CLASRP: variants seen among roughly 807,000 people sequenced by gnomAD.
CLASRP encodes CLK4 associating serine/arginine rich protein.
CLASRP carries 52 observed loss-of-function variants against 99.9 expected under a neutral mutation model. That is an observed-to-expected ratio of 0.52 (90% CI 0.42 to 0.66). The LOEUF (loss-of-function observed/expected upper bound fraction) is 0.66, where lower values mean the gene tolerates loss of function less well. CLASRP is among the 30% of genes least tolerant of loss of function. The probability of loss-of-function intolerance (pLI) is 0.00; values close to 1 mark genes in which losing one functional copy is unlikely to be tolerated. For synonymous variants in CLASRP, 379 were observed against 373.0 expected (o/e 1.02, Z -0.18); for missense variants, 848 against 999.2 (o/e 0.85, Z 2.04).
rs1051757414 is a variant in CLASRP at position 45,064,564 on chromosome 19, G to A, written c.1343G>A (p.Arg448Gln). Residue 448 changes from arginine (R) to glutamine (Q), a missense_variant, in exon 13 of 21, where the codon CGA becomes CAA. Arg to Gln is a conservative substitution (Grantham distance 43). Around this residue, in one of 8 missense-constraint regions of CLASRP, gnomAD observed 489 missense variants for 434.7 expected, o/e 1.12. Coordinates refer to ENST00000221455, the MANE Select transcript of CLASRP (RefSeq NM_007056.3). ...CGGCGGCACTCAGGTGGGGGCTCCC[G>A]AGACGGACACCGGTACTCCCGCTCG... Reference protein sequence around the residue: ...RGRRHSGGGSRDGHRYSRSPA... With the variant: ...RGRRHSGGGSQDGHRYSRSPA... 10 of 1,540,118 alleles carry A rather than the reference G, an allele frequency of 6.5e-6. No individual in the cohort carries two copies. In the South Asian group the frequency reaches 8.3e-5, roughly 13 times the overall value.
intron 13 of CLASRP, among the ~76,000 whole-genome samples, chr19:45,065,082 G>A (rs1967054007): frequency 6.6e-6 from 1 of 152,090 alleles, no homozygotes; most frequent in Non-Finnish European, 1.5e-5. Context: ...GGGAAGCGAA[G>A]CGGGTGGAAA....
chr19:45,060,735 G>C lies in CLASRP; in HGVS notation c.863+108G>C. ...GGCAGGCATTTGACTTGAGAAAGGA[G>C]TCTTTCTAGTGGGGCGATGCATGGC... On this transcript the variant is annotated intron_variant, in intron 10 of 20. Transcript: ENST00000221455. The surrounding 1 kb of genome is among the most constrained non-coding windows in gnomAD (Gnocchi z 4.6). 2 of 864,716 alleles carry C rather than the reference G, an allele frequency of 2.3e-6. No individual in the cohort carries two copies. The highest frequency in any genetic ancestry group is 3.5e-6 in the Non-Finnish European group (2 of 564,102). 53.6% of individuals were successfully genotyped at this position (864,716 alleles called of 1,614,324 possible).
rs1389679901 is a variant in CLASRP at position 45,060,524 on chromosome 19, C to T, written c.790-30C>T. 1 of 1,613,600 alleles carries T rather than the reference C, an allele frequency of 6.2e-7. No homozygotes were observed. Among genetic ancestry groups the T allele is most frequent in the South Asian group, 1.1e-5 (1 of 91,072 alleles). On this transcript the variant is annotated intron_variant, in intron 9 of 20. Coordinates refer to ENST00000221455, the MANE Select transcript of CLASRP (RefSeq NM_007056.3). This position sits in a 1 kb window ranked among gnomAD's most constrained non-coding sequence, Gnocchi z 4.6. ...GGGTGTGTCACAGGGAGGGCACCCC[C>T]TCACCAACCTGGCACCCACCCTACT...
At chr19:45,049,192 C>T (rs902987689) in intron 2 of CLASRP, among the ~76,000 whole-genome samples, 1 of 152,140 alleles carries the variant, frequency 6.6e-6, no homozygotes, top group African/African-American at 2.4e-5. Context: ...CTTCCCTGTA[C>T]CTGCCAAATT....
In CLASRP at chr19:45,059,192, G is replaced by A. The variant is rs1052282074; in HGVS notation, c.614-76G>A. The stretch of plus-strand genomic sequence containing the variant: ...GTCTGGCGGGCGCCCCATCATCCCC[G>A]CCTCCTGGAGCACTGCCCCTTCTCC... On this transcript the variant is annotated intron_variant, in intron 7 of 20. Coordinates refer to ENST00000221455, the MANE Select transcript of CLASRP (RefSeq NM_007056.3). 46 of 1,287,896 alleles carry A rather than the reference G, an allele frequency of 3.6e-5. No individual in the cohort carries two copies. In the Admixed American group the frequency reaches 4.4e-4, roughly 12 times the overall value. 79.8% of individuals were successfully genotyped at this position (1,287,896 alleles called of 1,614,324 possible). A position where few individuals can be genotyped will look rare whatever the true frequency, so the allele number is the denominator to read the frequency against.
At chr19:45,054,512 G>A (rs1244753038) in intron 5 of CLASRP, among the ~76,000 whole-genome samples, 1 of 152,206 alleles carries the variant, frequency 6.6e-6, no homozygotes, top group East Asian at 1.9e-4. Flanking sequence ...GCCTCCCAAA[G>A]TGCTGGGATT....
chr19:45,052,920 GCAC>G (rs777737403), intron 4 of CLASRP, 28 bp downstream of exon 4: 2 of 1,579,466 alleles, frequency 1.3e-6, no homozygotes, highest in South Asian at 2.3e-5. Context: ...GGGTTGCCAG[GCAC>G]AGCGTCATAC....
Position 45,059,204 on chromosome 19 carries a change from A to G in CLASRP, c.614-64A>G, listed in dbSNP as rs1600106539. On this transcript the variant is annotated intron_variant, in intron 7 of 20. Transcript: ENST00000221455. ...CCCCATCATCCCCGCCTCCTGGAGC[A>G]CTGCCCCTTCTCCCCTGTCCTCTCG... 3.6e-6 allele frequency: 5 copies of G among 1,391,918 alleles called. No individual in the cohort carries two copies. In the African/African-American group the frequency reaches 4.3e-5, roughly 12 times the overall value. 86.2% of individuals were successfully genotyped at this position (1,391,918 alleles called of 1,614,324 possible).
At chr19:45,040,512 G>A (rs1017944459) in intron 2 of CLASRP, 9 of 477,514 alleles carry the variant, frequency 1.9e-5, no homozygotes, top group African/African-American at 1.4e-4. Context: ...GTGTCGTTTG[G>A]TGTGGCCTCC....
In CLASRP at chr19:45,059,348, G is replaced by A. The variant is rs199842664; in HGVS notation, c.694G>A (p.Asp232Asn). Residue 232 changes from aspartate (D) to asparagine (N), a missense_variant, in exon 8 of 21, where the codon GAC (aspartate) becomes AAC (asparagine). Coordinates refer to ENST00000221455, the MANE Select transcript of CLASRP (RefSeq NM_007056.3). ...ACAGGCCACGACTTATGGCATGGCC[G>A]ACGGTGACTTCGTCAGGTGAGGCCT... Reference protein sequence around the residue: ...NKQATTYGMADGDFVRMLRKD... With the variant: ...NKQATTYGMANGDFVRMLRKD... 5.3e-5 allele frequency: 85 copies of A among 1,594,406 alleles called. No individual in the cohort carries two copies. In the Middle Eastern group the frequency reaches 9.9e-4, roughly 19 times the overall value.
In CLASRP at chr19:45,068,131, AG is replaced by A. The variant is rs894289401; in HGVS notation, c.1707+83del. 39 of 1,307,886 alleles carry A rather than the reference AG, an allele frequency of 3.0e-5. No homozygotes were observed. In the Admixed American group the frequency reaches 4.9e-4, roughly 17 times the overall value. 81.0% of individuals were successfully genotyped at this position (1,307,886 alleles called of 1,614,324 possible). A position where few individuals can be genotyped will look rare whatever the true frequency, so the allele number is the denominator to read the frequency against. ...CAAGAGCTGGGCCCGGTGGGCCTGC[AG>A]GGGGGCCCGGGTGGGCTGGGAGATC... On this transcript the variant is annotated intron_variant, in intron 15 of 20. Transcript: ENST00000221455.
intron 13 of CLASRP, 61 bp downstream of exon 13, chr19:45,064,691 G>A (rs765884670): frequency 6.8e-7 from 1 of 1,479,986 alleles, no homozygotes; most frequent in Non-Finnish European, 8.9e-7. Flanking sequence ...CGATCCTGGG[G>A]AGAAGGTGCT....
chr19:45,043,236 T>TGTGTCC (rs1555729271), intron 2 of CLASRP, among the ~76,000 whole-genome samples: 1 of 147,562 alleles, frequency 6.8e-6, no homozygotes, highest in East Asian at 2.0e-4. Context: ...TGTGTGTGTG[T>TGTGTCC]CCCGTCTCTA....
chr19:45,060,625 C>G lies in CLASRP; in HGVS notation c.861C>G (p.Pro287=). ...KRLRGRKISP[P]SYARRDSPTY... ...TGAGGGGTCGCAAGATCAGCCCACCCAGGTAGGGCTTCTCCCTGAACCCCC... is the reference window on the plus strand; with the variant it reads ...TGAGGGGTCGCAAGATCAGCCCACCGAGGTAGGGCTTCTCCCTGAACCCCC... Residue 287 remains proline (P), a splice_region_variant and synonymous_variant, in exon 10 of 21, where the codon CCC becomes CCG. Transcript: ENST00000221455. The surrounding 1 kb of genome is among the most constrained non-coding windows in gnomAD (Gnocchi z 4.6). 6.3e-7 allele frequency: 1 copy of G among 1,597,174 alleles called. No individual in the cohort carries two copies. The highest frequency in any genetic ancestry group is 1.3e-5 in the African/African-American group (1 of 74,816).
chr19:45,052,009 T>G, intron 2 of CLASRP, 62 bp from the exon 3 acceptor site: 9 of 1,251,598 alleles, frequency 7.2e-6, no homozygotes, highest in Non-Finnish European at 9.3e-6. Flanking sequence ...CTCGGTTGTG[T>G]GTGAGGGGGT....
Position 45,053,296 on chromosome 19 carries a change from C to T in CLASRP, c.379+119C>T, listed in dbSNP as rs189631987. 9.0e-4 allele frequency: 821 copies of T among 915,840 alleles called. 4 individuals are homozygous for T. In the African/African-American group the frequency reaches 0.012, roughly 13 times the overall value. 56.7% of individuals were successfully genotyped at this position (915,840 alleles called of 1,614,324 possible). A position where few individuals can be genotyped will look rare whatever the true frequency, so the allele number is the denominator to read the frequency against. ...CTTTCTACTAAAGGGCCTTGGGTTC[C>T]GGCTCCAGCTCTACGATAGACTCAC... On this transcript the variant is annotated intron_variant, in intron 5 of 20. Coordinates refer to ENST00000221455, the MANE Select transcript of CLASRP (RefSeq NM_007056.3).
intron 2 of CLASRP, among the ~76,000 whole-genome samples, chr19:45,051,695 G>A (rs752134412): frequency 2.6e-5 from 4 of 151,968 alleles, no homozygotes; most frequent in Non-Finnish European, 4.4e-5. Context: ...CAGGCCGGGC[G>A]CGGTGACTCA....
chr19:45,070,446 G>A, intron 19 of CLASRP, 91 bp from the exon 20 acceptor site: 1 of 1,156,446 alleles, frequency 8.6e-7, no homozygotes, highest in South Asian at 1.2e-5. Flanking sequence ...GACAACCCCT[G>A]AAGTTCAGTT....
intron 2 of CLASRP, among the ~76,000 whole-genome samples, chr19:45,042,123 C>G (rs996215264): frequency 6.6e-6 from 1 of 152,172 alleles, no homozygotes. Flanking sequence ...AGGTGGATCA[C>G]CTCAGGTCAA....
Sources: allele counts gnomAD v4.1 joint callset (sites outside exome capture counted in the v4.1 genomes callset), GRCh38; gene constraint gnomAD v4.1.1; regional missense constraint gnomAD v4.1.1; non-coding constraint Gnocchi (gnomAD v3.1); transcripts MANE v1.5; gene names NCBI Gene and HGNC (gene_info 2026-07-23, HGNC 2026-07-21).